Variants in ARFGEF3 observed in about 807,000 individuals in gnomAD.
ARFGEF3 encodes ARFGEF family member 3.
Under a neutral mutation model 221.7 loss-of-function variants are expected in ARFGEF3, and 96 were observed. The observed-to-expected ratio is 0.43, with a 90% CI of 0.37 to 0.51. The LOEUF (loss-of-function observed/expected upper bound fraction) is 0.51. Among genes scored for constraint, ARFGEF3 ranks in the 20% least tolerant of loss-of-function variants. The pLI is 0.00. For synonymous variants in ARFGEF3, 1,145 were observed against 1,126.8 expected (o/e 1.02, Z -0.32); for missense variants, 2,410 against 2,789.9 (o/e 0.86, Z 3.07).
At chr6:138,318,833 A>T (rs1417784223) in intron 27 of ARFGEF3, among the ~76,000 whole-genome samples, 1 of 152,248 alleles carries the variant, frequency 6.6e-6, no homozygotes, top group Non-Finnish European at 1.5e-5. Context: ...AAACAAAAAA[A>T]TTAGAAACAC....
chr6:138,174,476 A>C (rs1776898799), intron 2 of ARFGEF3, among the ~76,000 whole-genome samples: 1 of 132,900 alleles, frequency 7.5e-6, no homozygotes, highest in Non-Finnish European at 1.5e-5. Context: ...TGCTAAAAAA[A>C]AAAAAAAAAA....
In ARFGEF3 at chr6:138,344,452, A is replaced by G. The variant is rs959374746; in HGVS notation, c.*7966A>G. 2.0e-5 allele frequency: 3 copies of G among 152,162 alleles called. No homozygotes were observed. The highest frequency in any genetic ancestry group is 4.4e-5 in the Non-Finnish European group (3 of 68,024). The allele number at this position is 152,162 out of a possible 1,614,324, so 9.4% of individuals were successfully genotyped here. On this transcript the variant is annotated 3_prime_UTR_variant, in exon 34 of 34. Coordinates refer to ENST00000251691, the MANE Select transcript of ARFGEF3 (RefSeq NM_020340.5). ...ATGTTGATATAACTGATTTTATAGAATCTGTCTGTTCTTTGTTTAACAGGT... is the reference window on the plus strand; with the variant it reads ...ATGTTGATATAACTGATTTTATAGAGTCTGTCTGTTCTTTGTTTAACAGGT...
At position 138,287,883 on chromosome 6, in the gene ARFGEF3, G is replaced by A. The variant is rs138935248; in HGVS notation, c.2896+699G>A. ...TAGCTGAGAAACACAATTTAGGTCC[G>A]TGTTTCTCAGACTTGAATAAAATTT... On this transcript the variant is annotated intron_variant, in intron 17 of 33. Transcript: ENST00000251691. Among the ~76,000 whole-genome samples, 131 of 152,218 alleles carry A rather than the reference G, an allele frequency of 8.6e-4. 1 individual carries two copies. Among genetic ancestry groups the A allele is most frequent in the African/African-American group, 2.7e-3 (112 of 41,532 alleles).
At chr6:138,303,538 C>T (rs1368924324) in intron 22 of ARFGEF3, among the ~76,000 whole-genome samples, 1 of 152,136 alleles carries the variant, frequency 6.6e-6, no homozygotes, top group Non-Finnish European at 1.5e-5. Flanking sequence ...GGCACAGTGG[C>T]TCACTCCTGT....
intron 2 of ARFGEF3, among the ~76,000 whole-genome samples, chr6:138,200,226 C>T (rs150142338): frequency 3.5e-4 from 53 of 152,056 alleles, no homozygotes; most frequent in Non-Finnish European, 5.9e-4. Flanking sequence ...GGTATGAAAC[C>T]CACTTGATCA....
intron 14 of ARFGEF3, among the ~76,000 whole-genome samples, chr6:138,283,316 C>T (rs1779230465): frequency 6.6e-6 from 1 of 152,182 alleles, no homozygotes; most frequent in African/African-American, 2.4e-5. Flanking sequence ...TCATTCAGTA[C>T]ATGTAAAATG....
chr6:138,216,134 C>A (rs533257315), intron 4 of ARFGEF3: 2 of 152,010 alleles, frequency 1.3e-5, no homozygotes, highest in South Asian at 2.1e-4. Context: ...TGTGCCACCA[C>A]GCCCGGCTAA....
rs532406296 is a variant in ARFGEF3 at position 138,162,689 on chromosome 6, T to A, written c.85+518T>A. Among the ~76,000 whole-genome samples, 2 of 152,306 alleles carry A rather than the reference T, an allele frequency of 1.3e-5. No individual in the cohort carries two copies. Among genetic ancestry groups the A allele is most frequent in the South Asian group, 4.2e-4 (2 of 4,816 alleles). On this transcript the variant is annotated intron_variant, in intron 1 of 33. Transcript: ENST00000251691. The surrounding 1 kb of genome is among the most constrained non-coding windows in gnomAD (Gnocchi z 4.7). Reference sequence around the variant, plus strand: ...AAAAATAACATACGGGCGGGGATCATGTTACCTCTGCAATTCTGTTGTGGT... The same window carrying A: ...AAAAATAACATACGGGCGGGGATCAAGTTACCTCTGCAATTCTGTTGTGGT...
chr6:138,220,954 A>G (rs1196864479), intron 4 of ARFGEF3, among the ~76,000 whole-genome samples: 2 of 152,192 alleles, frequency 1.3e-5, no homozygotes, highest in Admixed American at 6.5e-5. Flanking sequence ...ACTATGCCTC[A>G]TGTATCGGAA....
Position 138,319,833 on chromosome 6 carries a change from G to A in ARFGEF3, c.4605G>A (p.Leu1535=), listed in dbSNP as rs764770027. The A allele has an allele frequency of 3.7e-5, 59 of 1,613,920 alleles. No individual in the cohort carries two copies. Among genetic ancestry groups the A allele is most frequent in the Non-Finnish European group, 3.8e-5 (45 of 1,179,906 alleles). The change falls in exon 28 of 34, where the codon CTG becomes CTA. Residue 1535 remains leucine, a synonymous_variant. Transcript: ENST00000251691. ...ASANFKHAIG[L]SCELVVEHIQ... ...CCAATTTCAAGCACGCTATTGGTCT[G>A]TCCTGTGAGCTGGTGGTGGAGCACA...
intron 12 of ARFGEF3, among the ~76,000 whole-genome samples, chr6:138,265,780 A>G (rs900022135): frequency 6.6e-6 from 1 of 152,114 alleles, no homozygotes; most frequent in Non-Finnish European, 1.5e-5. Context: ...AAATTGATGA[A>G]GTTGTACTTC....
Position 138,197,734 on chromosome 6 carries a change from G to T in ARFGEF3, c.138-9308G>T, listed in dbSNP as rs185194171. Among the ~76,000 whole-genome samples the T allele has an allele frequency of 2.6e-3, 403 of 152,300 alleles. 3 individuals carry two copies. Among genetic ancestry groups the T allele is most frequent in the Non-Finnish European group, 3.4e-3 (234 of 68,024 alleles). ...TTATTGAGTGGTTGTGAGAGTTGTT[G>T]GGATCAAGTGCCTGAGCTCTCAGCA... On this transcript the variant is annotated intron_variant, in intron 2 of 33. Transcript: ENST00000251691.
Position 138,319,728 on chromosome 6 carries a change from G to A in ARFGEF3, c.4500G>A (p.Val1500=). ...TPGPGFGIYA[V]VHLLLPVMSV... ...GACCAGGGTTTGGTATCTATGCAGT[G>A]GTTCACCTCCTCCTTCCTGTGATGT... The change falls in exon 28 of 34, where the codon GTG becomes GTA. Residue 1500 remains valine, a synonymous_variant. Coordinates refer to ENST00000251691, the MANE Select transcript of ARFGEF3 (RefSeq NM_020340.5). 17 of 1,612,122 alleles carry A rather than the reference G, an allele frequency of 1.1e-5. No homozygotes were observed. Among genetic ancestry groups the A allele is most frequent in the Non-Finnish European group, 1.4e-5 (17 of 1,179,288 alleles).
chr6:138,261,034 C>G (rs1778780966), intron 10 of ARFGEF3, among the ~76,000 whole-genome samples: 2 of 152,126 alleles, frequency 1.3e-5, no homozygotes, highest in Admixed American at 6.6e-5. Context: ...CATTAAAATT[C>G]TGGCTCCATG....
At chr6:138,245,134 C>G (rs1171274795) in intron 7 of ARFGEF3, among the ~76,000 whole-genome samples, 1 of 152,080 alleles carries the variant, frequency 6.6e-6, no homozygotes, top group East Asian at 1.9e-4. Flanking sequence ...AAACCTGTCT[C>G]GACTAAAAAT....
intron 6 of ARFGEF3, among the ~76,000 whole-genome samples, chr6:138,239,100 C>G (rs1271191738): frequency 1.3e-5 from 2 of 152,152 alleles, no homozygotes; most frequent in African/African-American, 2.4e-5. Context: ...TTCTCTCTAT[C>G]ATCAAAGCCC....
chr6:138,336,196 C>A, intron 33 of ARFGEF3, 99 bp from the exon 34 acceptor site: 2 of 866,598 alleles, frequency 2.3e-6, no homozygotes, highest in African/African-American at 1.7e-5. Context: ...GCAACTAAAG[C>A]CTGGAAAAAA....
At chr6:138,204,943 C>T (rs1391838158) in intron 2 of ARFGEF3, among the ~76,000 whole-genome samples, 1 of 152,186 alleles carries the variant, frequency 6.6e-6, no homozygotes. Flanking sequence ...AGTGATGTCT[C>T]CTGGTGGTGG....
intron 2 of ARFGEF3, among the ~76,000 whole-genome samples, chr6:138,196,027 T>G (rs1382541165): frequency 1.3e-5 from 2 of 151,028 alleles, no homozygotes; most frequent in Admixed American, 6.6e-5. Flanking sequence ...AAAAAAAAGA[T>G]CTTCACTGGC....
Sources: gnomAD v4.1 joint callset for allele counts (sites outside exome capture counted in the v4.1 genomes callset) on GRCh38, gnomAD v4.1.1 for gene constraint, Gnocchi (gnomAD v3.1) non-coding constraint, MANE v1.5 for transcripts, NCBI Gene and HGNC (gene_info 2026-07-23, HGNC 2026-07-21) for gene names.